ASIC2: variants seen among roughly 807,000 people sequenced by gnomAD.
ASIC2 encodes acid sensing ion channel subunit 2.
In ASIC2, 25 loss-of-function variants were observed where a neutral mutation model predicts 57.3. The observed-to-expected ratio is 0.44, with a 90% CI of 0.32 to 0.61. ASIC2 has a LOEUF of 0.61. Among genes scored for constraint, ASIC2 ranks in the 20% least tolerant of loss-of-function variants. The pLI is 0.06. For synonymous variants in ASIC2, 319 were observed against 307.5 expected (o/e 1.04, Z -0.39); for missense variants, 641 against 738.1 (o/e 0.87, Z 1.52).
intron 1 of ASIC2, among the ~76,000 whole-genome samples, chr17:33,307,064 A>T (rs1007881373): frequency 6.6e-6 from 1 of 152,086 alleles, no homozygotes; most frequent in African/African-American, 2.4e-5. Context: ...CCCTGGCCCC[A>T]TCCACCTACA....
intron 1 of ASIC2, among the ~76,000 whole-genome samples, chr17:33,277,942 C>T (rs973354420): frequency 6.6e-6 from 1 of 152,138 alleles, no homozygotes; most frequent in Non-Finnish European, 1.5e-5. Flanking sequence ...GCCAGATGTA[C>T]CCACAGTACA....
chr17:33,267,356 A>G (rs1909502434), intron 1 of ASIC2, among the ~76,000 whole-genome samples: 1 of 152,188 alleles, frequency 6.6e-6, no homozygotes, highest in Admixed American at 6.5e-5. Flanking sequence ...CAGTTGATTC[A>G]CCTCTTAAAG....
At chr17:33,514,754 G>T (rs1914517775) in intron 1 of ASIC2, among the ~76,000 whole-genome samples, 2 of 152,202 alleles carry the variant, frequency 1.3e-5, no homozygotes, top group Admixed American at 6.5e-5. Context: ...GTCTTGGAAA[G>T]GCAGCCTTGT....
chr17:33,442,248 T>C (rs948800329), intron 1 of ASIC2, among the ~76,000 whole-genome samples: 1 of 152,242 alleles, frequency 6.6e-6, no homozygotes, highest in African/African-American at 2.4e-5. Flanking sequence ...CAGAATAGTT[T>C]TGGCTATCTT....
intron 1 of ASIC2, among the ~76,000 whole-genome samples, chr17:33,396,584 C>G (rs947191341): frequency 1.3e-5 from 2 of 152,164 alleles, no homozygotes; most frequent in East Asian, 3.8e-4. Flanking sequence ...CTCATACTCT[C>G]TGGGCTTTAC....
chr17:33,102,330 G>A (rs1244653484), intron 2 of ASIC2, among the ~76,000 whole-genome samples: 2 of 152,216 alleles, frequency 1.3e-5, no homozygotes, highest in African/African-American at 2.4e-5. Context: ...TGCTTCTGTT[G>A]AGAAGTCCTA....
intron 1 of ASIC2, among the ~76,000 whole-genome samples, chr17:33,316,479 G>A (rs943026611): frequency 6.6e-6 from 1 of 152,184 alleles, no homozygotes; most frequent in Non-Finnish European, 1.5e-5. Flanking sequence ...GTAGAGATGA[G>A]GTTTCGCCAT....
intron 1 of ASIC2, among the ~76,000 whole-genome samples, chr17:33,172,833 G>A (rs1441558848): frequency 6.6e-6 from 1 of 152,158 alleles, no homozygotes; most frequent in African/African-American, 2.4e-5. Flanking sequence ...CTGTGAGGTT[G>A]GGTCGTTTCA....
chr17:33,328,371 G>T (rs1042293112), intron 1 of ASIC2, among the ~76,000 whole-genome samples: 2 of 152,166 alleles, frequency 1.3e-5, no homozygotes, highest in African/African-American at 4.8e-5. Flanking sequence ...GCTGGGCAAA[G>T]TTGAGAATCA....
chr17:33,680,309 G>A (rs1383847141), intron 1 of ASIC2, among the ~76,000 whole-genome samples: 2 of 152,174 alleles, frequency 1.3e-5, no homozygotes, highest in African/African-American at 4.8e-5. Context: ...TGACCTGCAG[G>A]GAAGTGGTAC....
intron 1 of ASIC2, among the ~76,000 whole-genome samples, chr17:33,504,672 T>C (rs1379213277): frequency 6.6e-6 from 1 of 152,196 alleles, no homozygotes; most frequent in Non-Finnish European, 1.5e-5. Flanking sequence ...TTTAATGTAC[T>C]TGTTGCCGCA....
chr17:33,324,068 G>A (rs1290538484), intron 1 of ASIC2, among the ~76,000 whole-genome samples: 4 of 152,126 alleles, frequency 2.6e-5, no homozygotes, highest in South Asian at 2.1e-4. Context: ...CATATTGTAA[G>A]GGCTGTAGGA....
chr17:33,498,743 T>C (rs7210939), intron 1 of ASIC2, among the ~76,000 whole-genome samples: 73,865 of 152,010 alleles, frequency 0.49, 18,622 homozygotes, highest in East Asian at 0.76. Context: ...ACGTGGAAAG[T>C]GCTGCAATGA....
At chr17:33,188,453 G>A (rs1906287525) in intron 1 of ASIC2, among the ~76,000 whole-genome samples, 1 of 151,988 alleles carries the variant, frequency 6.6e-6, no homozygotes, top group Admixed American at 6.6e-5. Flanking sequence ...CCATATAGAT[G>A]CAAAGAAATC....
At chr17:33,408,793 T>C (rs1376499302) in intron 1 of ASIC2, among the ~76,000 whole-genome samples, 2 of 152,064 alleles carry the variant, frequency 1.3e-5, no homozygotes, top group African/African-American at 4.8e-5. Context: ...GGTAAGGCAG[T>C]GGAGTGGAAA....
At chr17:33,356,507 A>G (rs1267835360) in intron 1 of ASIC2, among the ~76,000 whole-genome samples, 1 of 152,116 alleles carries the variant, frequency 6.6e-6, no homozygotes, top group Admixed American at 6.5e-5. Flanking sequence ...TGTGGGTGCA[A>G]TCTGCATTCC....
At chr17:33,459,547 C>G (rs1016728689) in intron 1 of ASIC2, among the ~76,000 whole-genome samples, 1 of 152,130 alleles carries the variant, frequency 6.6e-6, no homozygotes, top group Admixed American at 6.5e-5. Flanking sequence ...TGGAGCAGGG[C>G]GAGAAGCTGA....
At chr17:33,199,478 C>T (rs962329178) in intron 1 of ASIC2, among the ~76,000 whole-genome samples, 1 of 152,150 alleles carries the variant, frequency 6.6e-6, no homozygotes, top group African/African-American at 2.4e-5. Context: ...TGACTTTGGA[C>T]TGGGTACACA....
chr17:33,384,131 T>A (rs1909587151), intron 1 of ASIC2, among the ~76,000 whole-genome samples: 1 of 152,228 alleles, frequency 6.6e-6, no homozygotes, highest in Non-Finnish European at 1.5e-5. Flanking sequence ...TGTCCCAAAG[T>A]GGTTCATGTC....
Sources: allele counts gnomAD v4.1 joint callset (sites outside exome capture counted in the v4.1 genomes callset), GRCh38; gene constraint gnomAD v4.1.1; transcripts MANE v1.5; gene names NCBI Gene and HGNC (gene_info 2026-07-23, HGNC 2026-07-21).